Variants in CNTNAP2 observed in about 807,000 individuals in gnomAD.
CNTNAP2 encodes the protein contactin associated protein 2.
CNTNAP2 carries 98 observed loss-of-function variants against 155.2 expected under a neutral mutation model. The observed-to-expected ratio is 0.63, with a 90% CI of 0.54 to 0.75. The LOEUF is 0.75. CNTNAP2 is among the 30% of genes least tolerant of loss of function. CNTNAP2 has a pLI of 0.00. For synonymous variants in CNTNAP2, 651 were observed against 631.2 expected (o/e 1.03, Z -0.47); for missense variants, 1,727 against 1,688.1 (o/e 1.02, Z -0.40).
chr7:147,387,483 G>T (rs1449707481), intron 9 of CNTNAP2, among the ~76,000 whole-genome samples: 1 of 152,106 alleles, frequency 6.6e-6, no homozygotes, highest in Non-Finnish European at 1.5e-5. Context: ...AATTGGTCCT[G>T]TTACTCATGG....
intron 12 of CNTNAP2, among the ~76,000 whole-genome samples, chr7:147,579,902 T>C (rs1011171062): frequency 6.6e-6 from 1 of 152,192 alleles, no homozygotes; most frequent in Non-Finnish European, 1.5e-5. Context: ...AATAGGTACT[T>C]TTCTCCAAAA....
intron 4 of CNTNAP2, among the ~76,000 whole-genome samples, chr7:147,060,851 G>T (rs1327246346): frequency 6.9e-6 from 1 of 144,380 alleles, no homozygotes; most frequent in African/African-American, 2.8e-5. Flanking sequence ...GGGACAGAGC[G>T]AGACTCTGTC....
At position 147,132,225 on chromosome 7, in the gene CNTNAP2, C is replaced by T; in HGVS notation, c.1084-20C>T. 1 of 1,613,246 alleles carries T rather than the reference C, an allele frequency of 6.2e-7. No individual in the cohort carries two copies. The highest frequency in any genetic ancestry group is 1.3e-5 in the African/African-American group (1 of 74,966). ...ATTTTATTCTGTGTTTTCCTCAGAG[C>T]CTGTCTTTCTATTTTACAGGGAAAT... On this transcript the variant is annotated intron_variant, in intron 7 of 23. Transcript: ENST00000361727.
intron 4 of CNTNAP2, among the ~76,000 whole-genome samples, chr7:147,088,322 C>G (rs1345789630): frequency 6.6e-6 from 1 of 152,044 alleles, no homozygotes; most frequent in African/African-American, 2.4e-5. Context: ...AATATTGGAG[C>G]TTTTCTGTGG....
At chr7:147,489,957 T>G (rs1054703011) in intron 11 of CNTNAP2, among the ~76,000 whole-genome samples, 2 of 152,234 alleles carry the variant, frequency 1.3e-5, no homozygotes, top group Admixed American at 1.3e-4. Flanking sequence ...GTGGAACTGC[T>G]CTAAAAATTC....
intron 21 of CNTNAP2, among the ~76,000 whole-genome samples, chr7:148,353,977 A>G (rs991507522): frequency 6.6e-6 from 1 of 152,184 alleles, no homozygotes; most frequent in African/African-American, 2.4e-5. Context: ...ATTATCATCG[A>G]ACGTTTCCTA....
chr7:146,683,787 T>C (rs970819597), intron 1 of CNTNAP2, among the ~76,000 whole-genome samples: 3 of 152,192 alleles, frequency 2.0e-5, no homozygotes, highest in Non-Finnish European at 4.4e-5. Flanking sequence ...GATGTGAAAT[T>C]CATGCTCTTA....
rs183844197 is a variant in CNTNAP2 at position 146,781,711 on chromosome 7, C to T, written c.208+7330C>T. Among the ~76,000 whole-genome samples, 1,006 of 152,196 alleles carry T rather than the reference C, an allele frequency of 6.6e-3. 4 individuals carry two copies. Among genetic ancestry groups the T allele is most frequent in the Admixed American group, 0.013 (196 of 15,296 alleles). On this transcript the variant is annotated intron_variant, in intron 2 of 23. Transcript: ENST00000361727. The stretch of plus-strand genomic sequence containing the variant: ...CTAGAAAGAAAATTTTTCCCTTTTT[C>T]CCACTCTCAATTCTCTTGTCTCTGA...
chr7:146,465,272 A>T (rs191028592), intron 1 of CNTNAP2, among the ~76,000 whole-genome samples: 56 of 152,284 alleles, frequency 3.7e-4, no homozygotes, highest in Non-Finnish European at 7.1e-4. Flanking sequence ...AGCAAAGATT[A>T]TGAAGTTTGT....
chr7:147,377,462 A>G (rs1345167238), intron 9 of CNTNAP2, among the ~76,000 whole-genome samples: 1 of 151,742 alleles, frequency 6.6e-6, no homozygotes, highest in East Asian at 1.9e-4. Flanking sequence ...TTTAGATTTT[A>G]CCACATTTGC....
At chr7:147,424,114 C>T (rs1481596724) in intron 10 of CNTNAP2, among the ~76,000 whole-genome samples, 1 of 152,142 alleles carries the variant, frequency 6.6e-6, no homozygotes, top group Non-Finnish European at 1.5e-5. Context: ...TGTTGCAATC[C>T]TACTTCATTC....
chr7:146,473,130 A>G (rs1796824065), intron 1 of CNTNAP2, among the ~76,000 whole-genome samples: 1 of 152,012 alleles, frequency 6.6e-6, no homozygotes, highest in Non-Finnish European at 1.5e-5. Context: ...GTGATCTAGC[A>G]TCTCTGAAGG....
At chr7:147,360,742 C>A (rs572361495) in intron 9 of CNTNAP2, among the ~76,000 whole-genome samples, 5 of 152,226 alleles carry the variant, frequency 3.3e-5, no homozygotes, top group African/African-American at 1.2e-4. Flanking sequence ...TATATAGTGA[C>A]TGGACACTCC....
rs939447764 is a variant in CNTNAP2 at position 146,647,990 on chromosome 7, A to G, written c.98-126281A>G. 2.6e-5 allele frequency among the ~76,000 whole-genome samples: 4 copies of G among 152,046 alleles called. No homozygotes were observed. The East Asian group carries it at 5.8e-4, about 22-fold the overall frequency. On this transcript the variant is annotated intron_variant, in intron 1 of 23. Transcript: ENST00000361727. ...CCCAACCTTTCCAACTCATCACCCAATGTACCACAATTCTTATCCCATCAG... is the reference window on the plus strand; with the variant it reads ...CCCAACCTTTCCAACTCATCACCCAGTGTACCACAATTCTTATCCCATCAG...
chr7:146,878,686 T>G (rs2129208797), intron 3 of CNTNAP2, among the ~76,000 whole-genome samples: 1 of 152,200 alleles, frequency 6.6e-6, no homozygotes, highest in Middle Eastern at 3.4e-3. Flanking sequence ...TCTGTGGACC[T>G]CCCCTGCCCT....
intron 21 of CNTNAP2, among the ~76,000 whole-genome samples, chr7:148,267,969 T>C (rs747424906): frequency 3.3e-5 from 5 of 152,206 alleles, no homozygotes; most frequent in Non-Finnish European, 7.3e-5. Flanking sequence ...TTTGACAGTG[T>C]GACAGAACAC....
At position 147,312,175 on chromosome 7, in the gene CNTNAP2, G is replaced by T. The variant is rs79344562; in HGVS notation, c.1498+11885G>T. 4.9e-3 allele frequency among the ~76,000 whole-genome samples: 738 copies of T among 151,674 alleles called. 4 individuals carry two copies. Among genetic ancestry groups the T allele is most frequent in the Non-Finnish European group, 8.5e-3 (574 of 67,890 alleles). ...ATTTTTAATTTCTCTTTCTACTTTG[G>T]GTTCCCTTTGTCCATCCCAGCAACC... On this transcript the variant is annotated intron_variant, in intron 9 of 23. Transcript: ENST00000361727.
At chr7:146,722,502 C>T (rs1801355143) in intron 1 of CNTNAP2, among the ~76,000 whole-genome samples, 1 of 152,100 alleles carries the variant, frequency 6.6e-6, no homozygotes, top group Admixed American at 6.6e-5. Context: ...TTTATATTAT[C>T]CTTTCTCAAT....
At chr7:148,061,878 T>TAGATAG (rs1803141074) in intron 15 of CNTNAP2, among the ~76,000 whole-genome samples, 1 of 112,088 alleles carries the variant, frequency 8.9e-6, no homozygotes, top group African/African-American at 3.3e-5. Flanking sequence ...GATAAACAGA[T>TAGATAG]ATAGATAGAT....
Sources: gnomAD v4.1 joint callset for allele counts (sites outside exome capture counted in the v4.1 genomes callset) on GRCh38, gnomAD v4.1.1 for gene constraint, MANE v1.5 for transcripts, NCBI Gene and HGNC (gene_info 2026-07-23, HGNC 2026-07-21) for gene names.